Variants in STRBP observed in about 807,000 individuals in gnomAD.
The protein encoded by STRBP is spermatid perinuclear RNA-binding protein.
STRBP carries 13 observed loss-of-function variants against 80.1 expected under a neutral mutation model. The ratio of observed to expected loss-of-function variants is 0.16; its 90% confidence interval spans 0.11 to 0.26. STRBP has a LOEUF of 0.26. Among genes scored for constraint, STRBP ranks in the 10% least tolerant of loss-of-function variants. STRBP has a pLI of 1.00. For synonymous variants in STRBP, 284 were observed against 291.2 expected (o/e 0.98, Z 0.25); for missense variants, 485 against 815.2 (o/e 0.59, Z 4.93).
At chr9:123,159,005 C>A in intron 9 of STRBP, 91 bp downstream of exon 9, 2 of 1,018,622 alleles carry the variant, frequency 2.0e-6, no homozygotes, top group Non-Finnish European at 3.0e-6. Flanking sequence ...CATCATTTTC[C>A]TGTGTAGAGA....
intron 1 of STRBP, among the ~76,000 whole-genome samples, chr9:123,267,951 C>T (rs1163789481): frequency 6.6e-6 from 1 of 151,342 alleles, no homozygotes; most frequent in African/African-American, 2.4e-5. Context: ...CCTGAAGGCT[C>T]TCCTCCTCCA....
At chr9:123,140,665 T>C (rs1484282666) in intron 13 of STRBP, among the ~76,000 whole-genome samples, 1 of 152,168 alleles carries the variant, frequency 6.6e-6, no homozygotes, top group East Asian at 1.9e-4. Flanking sequence ...TTATTCTCTA[T>C]ACTAAATAAG....
intron 13 of STRBP, among the ~76,000 whole-genome samples, chr9:123,144,627 C>T (rs931724716): frequency 5.3e-5 from 8 of 152,056 alleles, no homozygotes; most frequent in African/African-American, 1.4e-4. Flanking sequence ...ATTATTTCTA[C>T]GTATTAGAAC....
intron 1 of STRBP, among the ~76,000 whole-genome samples, chr9:123,266,553 T>C (rs2041270620): frequency 6.6e-6 from 1 of 152,008 alleles, no homozygotes; most frequent in Non-Finnish European, 1.5e-5. Flanking sequence ...CCTAAAAATC[T>C]TGGCCCCTTT....
intron 6 of STRBP, among the ~76,000 whole-genome samples, chr9:123,167,127 C>CT (rs1458660983): frequency 2.0e-5 from 3 of 150,954 alleles, no homozygotes; most frequent in Admixed American, 6.6e-5. Flanking sequence ...TTTTTTCTTC[C>CT]TTTTTTAGAT....
rs756979825 is a variant in STRBP at position 123,128,290 on chromosome 9, C to G, written c.1898-32G>C. ...CAAAGAAGAAGAAGGCAGATCAGTC[C>G]AAGACCCAGGGCAATCATCACTGGC... On this transcript the variant is annotated intron_variant, in intron 17 of 18. Transcript: ENST00000348403. 12 of 1,613,986 alleles carry G rather than the reference C, an allele frequency of 7.4e-6. 1 individual carries two copies. In the South Asian group the frequency reaches 1.2e-4, roughly 16 times the overall value.
intron 3 of STRBP, among the ~76,000 whole-genome samples, chr9:123,182,837 C>T (rs771982586): frequency 2.1e-4 from 32 of 152,010 alleles, no homozygotes; most frequent in Non-Finnish European, 3.8e-4. Flanking sequence ...CAAAGCAAAA[C>T]CCTGTCTCTA....
At chr9:123,199,796 AATC>A (rs1412293411) in intron 2 of STRBP, among the ~76,000 whole-genome samples, 4 of 152,132 alleles carry the variant, frequency 2.6e-5, no homozygotes, top group African/African-American at 9.7e-5. Flanking sequence ...CTAGCCATAC[AATC>A]ATATCATCTG....
intron 1 of STRBP, among the ~76,000 whole-genome samples, chr9:123,243,611 TCAA>T (rs2040742315): frequency 6.6e-6 from 1 of 151,392 alleles, no homozygotes; most frequent in African/African-American, 2.4e-5. Context: ...CCCTCAAAAC[TCAA>T]CAGTTAAAAC....
rs1244383568 is a variant in STRBP, at chr9:123,268,466, A to ACCCGCT, written c.-338_-333dup. 6.4e-6 allele frequency: 1 copy of ACCCGCT among 157,402 alleles called. No homozygotes were observed. The highest frequency in any genetic ancestry group is 1.3e-5 in the Non-Finnish European group (1 of 74,398). The allele number at this position is 157,402 out of a possible 1,614,324, so 9.8% of individuals were successfully genotyped here. A position where few individuals can be genotyped will look rare whatever the true frequency, so the allele number is the denominator to read the frequency against. On this transcript the variant is annotated 5_prime_UTR_variant, in exon 1 of 19. Coordinates refer to ENST00000348403, the MANE Select transcript of STRBP (RefSeq NM_018387.5). ...CCGCCGCGCTCTGCCCGCGCCCGGT[A>ACCCGCT]CCCGCTCCCGCTCCGCCGCCGCCGC...
intron 3 of STRBP, among the ~76,000 whole-genome samples, chr9:123,180,578 A>C (rs2038415896): frequency 6.6e-6 from 1 of 152,216 alleles, no homozygotes; most frequent in South Asian, 2.1e-4. Context: ...TAAGGGTATC[A>C]AGAAATACTC....
intron 12 of STRBP, among the ~76,000 whole-genome samples, chr9:123,147,457 C>T (rs1172238478): frequency 1.3e-5 from 2 of 152,012 alleles, no homozygotes. Context: ...GGGTGAATTG[C>T]TTGAACTCAG....
At chr9:123,267,926 G>A (rs2132670617) in intron 1 of STRBP, among the ~76,000 whole-genome samples, 2 of 150,358 alleles carry the variant, frequency 1.3e-5, no homozygotes, top group Admixed American at 1.3e-4. Context: ...TGGCCCAGGG[G>A]GCCCCCCAAA....
chr9:123,181,295 A>G (rs1246779659), intron 3 of STRBP, among the ~76,000 whole-genome samples: 1 of 152,240 alleles, frequency 6.6e-6, no homozygotes, highest in East Asian at 1.9e-4. Context: ...AAAGAGCCAT[A>G]GAGTTGGAAA....
intron 13 of STRBP, among the ~76,000 whole-genome samples, chr9:123,142,030 G>T (rs998940925): frequency 1.3e-5 from 2 of 152,132 alleles, no homozygotes; most frequent in African/African-American, 4.8e-5. Flanking sequence ...TGCTAAATTG[G>T]TTTAGCCAGA....
chr9:123,260,375 GAA>G (rs2041135043), intron 1 of STRBP, among the ~76,000 whole-genome samples: 1 of 152,222 alleles, frequency 6.6e-6, no homozygotes. Flanking sequence ...AGGAGGCTCA[GAA>G]GAGAGGCTGG....
rs1436457351 is a variant in STRBP at position 123,202,700 on chromosome 9, C to A, written c.-164-18402G>T. Among the ~76,000 whole-genome samples the A allele has an allele frequency of 7.2e-5, 11 of 152,208 alleles. No individual in the cohort carries two copies. The East Asian group carries it at 7.7e-4, about 11-fold the overall frequency. ...TTTAAAAATAGATAAAAGAGTATAA[C>A]TGGAATGTCTGTTACACAAAGAAAT... On this transcript the variant is annotated intron_variant, in intron 2 of 18. Coordinates refer to ENST00000348403, the MANE Select transcript of STRBP (RefSeq NM_018387.5).
intron 1 of STRBP, among the ~76,000 whole-genome samples, chr9:123,240,407 A>G (rs1172623773): frequency 6.6e-6 from 1 of 152,180 alleles, no homozygotes; most frequent in Non-Finnish European, 1.5e-5. Flanking sequence ...GCAAGCCAAA[A>G]AGAGAGAGAA....
chr9:123,160,835 A>G, intron 7 of STRBP, 142 bp downstream of exon 7: 1 of 638,918 alleles, frequency 1.6e-6, no homozygotes. Flanking sequence ...ATCTAAATTA[A>G]CTCAATTACT....
Sources: gnomAD v4.1 joint callset for allele counts (sites outside exome capture counted in the v4.1 genomes callset) on GRCh38, gnomAD v4.1.1 for gene constraint, MANE v1.5 for transcripts, NCBI Gene and HGNC (gene_info 2026-07-23, HGNC 2026-07-21) for gene names.